AOAH: variants seen among roughly 807,000 people sequenced by gnomAD.
AOAH encodes acyloxyacyl hydrolase, also known as acyloxyacyl hydrolase (neutrophil).
AOAH carries 64 observed loss-of-function variants against 92.2 expected under a neutral mutation model. That is an observed-to-expected ratio of 0.69 (90% CI 0.57 to 0.86). The LOEUF is 0.86. AOAH is among the 40% of genes least tolerant of loss of function. The pLI, the probability that AOAH is intolerant of heterozygous loss-of-function variation, is 0.00. For missense variants in AOAH, 656 were observed against 694.6 expected (o/e 0.94, Z 0.62); for synonymous variants, 263 against 254.5 (o/e 1.03, Z -0.32).
chr7:36,621,777 G>A lies in AOAH; in HGVS notation c.586C>T (p.Leu196=). The A allele has an allele frequency of 6.2e-7, 1 of 1,614,104 alleles. No homozygotes were observed. The highest frequency in any genetic ancestry group is 8.5e-7 in the Non-Finnish European group (1 of 1,179,990). ...DSDKYSVFPT[L]RGYHWRGRDC... ...CTCCCCCGCCAGTGATAGCCCCGCA[G>A]TGTCTGAAATTGAAGAGCACACACA... is the stretch of plus-strand genomic sequence containing the variant. Residue 196 remains leucine (L), a synonymous_variant, in exon 8 of 21, where the codon CTG becomes TTG. Transcript: ENST00000617537.
Position 36,548,438 on chromosome 7 carries a change from G to A in AOAH, c.1133+174C>T, listed in dbSNP as rs185084802. ...TGACCTCAGGTGATCTGCCCACCTC[G>A]GCCTCCCAAAGTGCTGGGATTATAG... On this transcript the variant is annotated intron_variant, in intron 15 of 20. Transcript: ENST00000617537. Among the ~76,000 whole-genome samples, 1,184 of 152,204 alleles carry A rather than the reference G, an allele frequency of 7.8e-3. 15 individuals are homozygous for A. The highest frequency in any genetic ancestry group is 0.027 in the African/African-American group (1,135 of 41,510).
At chr7:36,597,383 T>C (rs1398667637) in intron 11 of AOAH, among the ~76,000 whole-genome samples, 1 of 152,158 alleles carries the variant, frequency 6.6e-6, no homozygotes, top group Admixed American at 6.5e-5. Flanking sequence ...CTGTGTTTTA[T>C]CTTATTTTTC....
chr7:36,649,447 G>A (rs1246465161), intron 4 of AOAH, among the ~76,000 whole-genome samples: 2 of 152,204 alleles, frequency 1.3e-5, no homozygotes, highest in Non-Finnish European at 2.9e-5. Context: ...CTGGGAAGGT[G>A]ACTGCATCCG....
intron 19 of AOAH, among the ~76,000 whole-genome samples, chr7:36,523,629 G>GTTTTTTTTTTTTTTTTTTTTT (rs57628897): frequency 1.0e-5 from 1 of 100,138 alleles, no homozygotes. Context: ...TGTTTTGCCT[G>GTTTTTTTTTTTTTTTTTTTTT]TTTTTTTTTT....
At chr7:36,558,095 T>C (rs574016250) in intron 13 of AOAH, among the ~76,000 whole-genome samples, 19 of 152,288 alleles carry the variant, frequency 1.2e-4, no homozygotes, top group Admixed American at 1.2e-3. Context: ...TCTGCTCTGT[T>C]TTTTCCCCAT....
Position 36,594,644 on chromosome 7 carries a change from G to C in AOAH, c.847-214C>G, listed in dbSNP as rs753914464. On this transcript the variant is annotated intron_variant, in intron 11 of 20. Coordinates refer to ENST00000617537, the MANE Select transcript of AOAH (RefSeq NM_001637.4). ...CAGCACCACCCTTGACCTGGCTTCC[G>C]CTCAGCTCTTGTGAAACATGCAGAA... 8.2e-6 allele frequency: 5 copies of C among 613,068 alleles called. No homozygotes were observed. The East Asian group carries it at 1.2e-4, about 14-fold the overall frequency. 38.0% of individuals were successfully genotyped at this position (613,068 alleles called of 1,614,324 possible).
intron 4 of AOAH, among the ~76,000 whole-genome samples, chr7:36,657,331 C>T (rs2116505515): frequency 6.6e-6 from 1 of 152,272 alleles, no homozygotes; most frequent in South Asian, 2.1e-4. Context: ...CATAACTTCT[C>T]TAACCCTCAG....
chr7:36,594,258 C>T, intron 12 of AOAH, 81 bp downstream of exon 12: 1 of 1,128,258 alleles, frequency 8.9e-7, no homozygotes, highest in Non-Finnish European at 1.3e-6. Context: ...CGCATTTCAA[C>T]ATCTTGGTAG....
intron 6 of AOAH, among the ~76,000 whole-genome samples, chr7:36,628,864 A>G (rs1483800646): frequency 3.9e-5 from 6 of 152,186 alleles, no homozygotes; most frequent in Non-Finnish European, 5.9e-5. Context: ...TTTAAAACCT[A>G]CTTGTTCCTC....
At chr7:36,707,431 T>C (rs866818291) in intron 1 of AOAH, among the ~76,000 whole-genome samples, 2 of 152,200 alleles carry the variant, frequency 1.3e-5, no homozygotes, top group Middle Eastern at 3.4e-3. Context: ...ATGAAAAAGT[T>C]TGAAATATCC....
intron 19 of AOAH, among the ~76,000 whole-genome samples, 168 bp downstream of exon 19, chr7:36,530,250 C>T (rs1784611066): frequency 1.3e-5 from 2 of 152,150 alleles, no homozygotes; most frequent in Admixed American, 6.5e-5. Flanking sequence ...AAAAGTCCCA[C>T]ATTTTATCTT....
chr7:36,635,760 C>T (rs150241108), intron 5 of AOAH, among the ~76,000 whole-genome samples: 8 of 152,282 alleles, frequency 5.3e-5, no homozygotes, highest in African/African-American at 1.4e-4. Flanking sequence ...TGGATTTAAA[C>T]GTGGGGTTTC....
intron 16 of AOAH, among the ~76,000 whole-genome samples, chr7:36,533,984 G>A (rs1373253779): frequency 6.6e-6 from 1 of 152,136 alleles, no homozygotes; most frequent in Non-Finnish European, 1.5e-5. Context: ...GGGCCCTGCC[G>A]CCCCTCTGGG....
At chr7:36,629,564 C>T (rs924265129) in intron 6 of AOAH, among the ~76,000 whole-genome samples, 4 of 152,138 alleles carry the variant, frequency 2.6e-5, no homozygotes, top group African/African-American at 9.7e-5. Context: ...TGGATTCATC[C>T]CCAGTCATGA....
At chr7:36,621,955 G>A (rs930067150) in intron 7 of AOAH, among the ~76,000 whole-genome samples, 175 bp from the exon 8 acceptor site, 3 of 152,102 alleles carry the variant, frequency 2.0e-5, no homozygotes, top group South Asian at 2.1e-4. Flanking sequence ...GACATGCTGC[G>A]TGAGTGACAT....
intron 20 of AOAH, chr7:36,514,487 T>A: frequency 2.0e-6 from 3 of 1,535,658 alleles, no homozygotes; most frequent in Non-Finnish European, 2.6e-6. Flanking sequence ...GGTTCTGCTG[T>A]CGCATGTCAG....
At chr7:36,625,074 T>C (rs1792549825) in intron 6 of AOAH, among the ~76,000 whole-genome samples, 1 of 151,814 alleles carries the variant, frequency 6.6e-6, no homozygotes, top group Non-Finnish European at 1.5e-5. Flanking sequence ...GTAGGGAGTG[T>C]GGGGAGTCAA....
chr7:36,709,554 C>T (rs897094376), intron 1 of AOAH, among the ~76,000 whole-genome samples: 4 of 152,070 alleles, frequency 2.6e-5, no homozygotes, highest in East Asian at 3.9e-4. Context: ...CACCTTCATG[C>T]GATCATCATC....
In AOAH at chr7:36,693,093, G is replaced by A. The variant is rs542098119; in HGVS notation, c.128-6299C>T. Among the ~76,000 whole-genome samples the A allele has an allele frequency of 4.6e-5, 7 of 152,326 alleles. No individual in the cohort carries two copies. The South Asian group carries it at 1.2e-3, about 27-fold the overall frequency. ...GAGAGAGGTAGGAAGGGGCTAGATT[G>A]TGAAGCACCTTGAAGGCCATACTAC... On this transcript the variant is annotated intron_variant, in intron 1 of 20. Transcript: ENST00000617537.
Sources: gnomAD v4.1 joint callset for allele counts (sites outside exome capture counted in the v4.1 genomes callset) on GRCh38, gnomAD v4.1.1 for gene constraint, MANE v1.5 for transcripts, NCBI Gene and HGNC (gene_info 2026-07-23, HGNC 2026-07-21) for gene names.